XPO4: variants seen among roughly 807,000 people sequenced by gnomAD.
The protein encoded by XPO4 is exportin-4.
In XPO4, 39 loss-of-function variants were observed where a neutral mutation model predicts 143.0. The observed-to-expected ratio is 0.27, with a 90% CI of 0.21 to 0.36. The LOEUF (loss-of-function observed/expected upper bound fraction) is 0.36, where lower values mean the gene tolerates loss of function less well. XPO4 is among the 10% of genes least tolerant of loss of function. The pLI is 1.00. For synonymous variants in XPO4, 439 were observed against 474.0 expected (o/e 0.93, Z 0.96); for missense variants, 907 against 1,348.0 (o/e 0.67, Z 5.12).
intron 13 of XPO4, among the ~76,000 whole-genome samples, chr13:20,802,841 C>T (rs2059452748): frequency 6.6e-6 from 1 of 152,196 alleles, no homozygotes; most frequent in South Asian, 2.1e-4. Context: ...AAAATGTCTT[C>T]TGGATTATCA....
At chr13:20,828,362 C>A (rs1235175097) in intron 6 of XPO4, among the ~76,000 whole-genome samples, 1 of 152,172 alleles carries the variant, frequency 6.6e-6, no homozygotes, top group Non-Finnish European at 1.5e-5. Flanking sequence ...ATGATAATCA[C>A]CCAGAGCTAT....
intron 13 of XPO4, among the ~76,000 whole-genome samples, chr13:20,806,877 C>G (rs1391588664): frequency 6.6e-6 from 1 of 152,034 alleles, no homozygotes; most frequent in Non-Finnish European, 1.5e-5. Flanking sequence ...AGGCTTATCC[C>G]TCCTTAATTT....
chr13:20,791,723 T>C (rs1360979763), intron 18 of XPO4, among the ~76,000 whole-genome samples: 1 of 152,250 alleles, frequency 6.6e-6, no homozygotes, highest in Non-Finnish European at 1.5e-5. Context: ...CAATGTATAG[T>C]TGACTCTGGA....
intron 6 of XPO4, among the ~76,000 whole-genome samples, chr13:20,838,868 A>G (rs906717252): frequency 1.3e-5 from 2 of 152,170 alleles, no homozygotes; most frequent in African/African-American, 4.8e-5. Flanking sequence ...ATGGATTAAA[A>G]AAGTGGTATA....
intron 1 of XPO4, among the ~76,000 whole-genome samples, chr13:20,900,185 G>C (rs1462956331): frequency 6.6e-6 from 1 of 152,158 alleles, no homozygotes. Context: ...AGGAGTTCGA[G>C]ACCAGCCTGG....
chr13:20,810,429 A>G (rs2059566380), intron 9 of XPO4, among the ~76,000 whole-genome samples: 1 of 152,200 alleles, frequency 6.6e-6, no homozygotes, highest in Admixed American at 6.5e-5. Flanking sequence ...ATACAGTAGA[A>G]AAGCACTGTC....
chr13:20,800,428 G>C, intron 14 of XPO4, 103 bp from the exon 15 acceptor site: 2 of 1,084,660 alleles, frequency 1.8e-6, no homozygotes. Flanking sequence ...ATCTGAAGTA[G>C]TGCTTACTTC....
chr13:20,858,922 GTATA>G (rs59921874), intron 3 of XPO4, among the ~76,000 whole-genome samples: 203 of 148,770 alleles, frequency 1.4e-3, no homozygotes, highest in Middle Eastern at 3.6e-3. Context: ...ATGTGTGTGT[GTATA>G]TATATATATA....
At chr13:20,853,482 C>A (rs1450711269) in intron 4 of XPO4, among the ~76,000 whole-genome samples, 1 of 151,998 alleles carries the variant, frequency 6.6e-6, no homozygotes, top group Admixed American at 6.6e-5. Flanking sequence ...CTGCATTACA[C>A]CCTGTCTCTT....
intron 3 of XPO4, among the ~76,000 whole-genome samples, chr13:20,860,534 G>A (rs1038074919): frequency 6.6e-5 from 10 of 152,162 alleles, no homozygotes; most frequent in African/African-American, 2.2e-4. Flanking sequence ...GAATTACATT[G>A]TGTGCAAAAC....
At chr13:20,832,557 C>A (rs1566593261) in intron 6 of XPO4, among the ~76,000 whole-genome samples, 1 of 152,144 alleles carries the variant, frequency 6.6e-6, no homozygotes, top group South Asian at 2.1e-4. Flanking sequence ...ATGCTTTACT[C>A]CCTTCATCTT....
intron 18 of XPO4, among the ~76,000 whole-genome samples, chr13:20,795,170 A>G (rs2059341194): frequency 1.3e-5 from 2 of 152,186 alleles, no homozygotes; most frequent in African/African-American, 4.8e-5. Context: ...CCACTACCAC[A>G]CGTGTCTGCA....
intron 16 of XPO4, among the ~76,000 whole-genome samples, chr13:20,797,902 C>G (rs984121397): frequency 4.6e-5 from 7 of 152,262 alleles, no homozygotes; most frequent in Admixed American, 4.6e-4. Context: ...GTAATCCCAA[C>G]GTTTTGGAAG....
chr13:20,797,385 G>A (rs977842492), intron 16 of XPO4, among the ~76,000 whole-genome samples: 1 of 152,058 alleles, frequency 6.6e-6, no homozygotes, highest in African/African-American at 2.4e-5. Context: ...AGCCACATTT[G>A]GCCCATGGGC....
chr13:20,821,262 C>T (rs1489768514), intron 9 of XPO4, among the ~76,000 whole-genome samples: 1 of 148,098 alleles, frequency 6.8e-6, no homozygotes, highest in African/African-American at 2.5e-5. Context: ...TGATTTGAAC[C>T]AAATTATGTT....
Position 20,796,082 on chromosome 13 carries a change from C to T in XPO4, c.2791G>A (p.Asp931Asn). 1 of 1,609,746 alleles carries T rather than the reference C, an allele frequency of 6.2e-7. No homozygotes were observed. ...LLSKEFIDFSDTDEVFRGHEP... is the reference protein window; with the variant it reads ...LLSKEFIDFSNTDEVFRGHEP... ...CCATCACGTTACATTTTACCTGTAT[C>T]ACTGAAATCTATGAATTCTTTTGAC... The change falls in exon 18 of 23, where the codon GAT (aspartate) becomes AAT (asparagine). Residue 931 changes from aspartate (D) to asparagine (N), a missense_variant. Coordinates refer to ENST00000255305, the MANE Select transcript of XPO4 (RefSeq NM_022459.5).
chr13:20,838,861 GA>G (rs1253363268), intron 6 of XPO4, among the ~76,000 whole-genome samples: 1 of 152,044 alleles, frequency 6.6e-6, no homozygotes, highest in African/African-American at 2.4e-5. Context: ...CTGATAAATG[GA>G]TTAAAAAAGT....
In XPO4 at chr13:20,783,514, T is replaced by C. The variant is rs1019851864; in HGVS notation, c.*208A>G. ...ATTCAGAATCTAAAAGACATATATA[T>C]GACAGATTGTGGCTAACACTTAACA... On this transcript the variant is annotated 3_prime_UTR_variant, in exon 23 of 23. Coordinates refer to ENST00000255305, the MANE Select transcript of XPO4 (RefSeq NM_022459.5). 9 of 594,104 alleles carry C rather than the reference T, an allele frequency of 1.5e-5. No homozygotes were observed. Among genetic ancestry groups the C allele is most frequent in the Middle Eastern group, 4.5e-4 (1 of 2,214 alleles). 36.8% of individuals were successfully genotyped at this position (594,104 alleles called of 1,614,324 possible).
rs2059728088 is a variant in XPO4, at chr13:20,822,133, C to G, written c.997G>C (p.Gly333Arg). 2 of 1,610,262 alleles carry G rather than the reference C, an allele frequency of 1.2e-6. No homozygotes were observed. Among genetic ancestry groups the G allele is most frequent in the African/African-American group, 2.7e-5 (2 of 74,828 alleles). The change falls in exon 8 of 23, where the codon GGA becomes CGA. Residue 333 changes from glycine to arginine, a missense_variant and splice_region_variant. Gly to Arg is a moderately radical substitution (Grantham distance 125). Coordinates refer to ENST00000255305, the MANE Select transcript of XPO4 (RefSeq NM_022459.5). Reference sequence around the variant, plus strand: ...GCTGCAAAGGGCAAGTATACCTACCCATTGATAGTATTCAGTAATCCCTCA... The same window carrying G: ...GCTGCAAAGGGCAAGTATACCTACCGATTGATAGTATTCAGTAATCCCTCA... ...FIEGLLNTINGIEIEDSEAVG... is the reference protein window; with the variant it reads ...FIEGLLNTINRIEIEDSEAVG...
Sources: gnomAD v4.1 joint callset for allele counts (sites outside exome capture counted in the v4.1 genomes callset) on GRCh38, gnomAD v4.1.1 for gene constraint, MANE v1.5 for transcripts, NCBI Gene and HGNC (gene_info 2026-07-23, HGNC 2026-07-21) for gene names.